SHISA9: variants seen among roughly 807,000 people sequenced by gnomAD.
SHISA9 encodes the protein protein shisa-9.
SHISA9 carries 13 observed loss-of-function variants against 38.0 expected under a neutral mutation model. That is an observed-to-expected ratio of 0.34 (90% confidence interval 0.22 to 0.54). The LOEUF (loss-of-function observed/expected upper bound fraction) is 0.54. Ranked by LOEUF, SHISA9 falls within the 20% of genes least tolerant of loss-of-function variation. SHISA9 has a pLI of 0.91. For missense variants in SHISA9, 538 were observed against 575.8 expected (o/e 0.93, Z 0.67); for synonymous variants, 275 against 242.0 (o/e 1.14, Z -1.27).
chr16:13,172,993 G>A (rs2050700116), intron 2 of SHISA9, among the ~76,000 whole-genome samples: 1 of 152,068 alleles, frequency 6.6e-6, no homozygotes. Context: ...GTAAAGACCA[G>A]TGCATTAGGA....
At chr16:13,110,102 G>T (rs2073962984) in intron 2 of SHISA9, among the ~76,000 whole-genome samples, 1 of 152,138 alleles carries the variant, frequency 6.6e-6, no homozygotes, top group African/African-American at 2.4e-5. Flanking sequence ...CTGTGTCAAA[G>T]TGCTCTCCCC....
chr16:13,416,773 AGGGAAGGAAGGAAGGAAG>A, the SHISA9 span, among the ~76,000 whole-genome samples: 7 of 122,620 alleles, frequency 5.7e-5, no homozygotes, highest in South Asian at 2.8e-4. Context: ...GAAGGAAGGA[AGGGAAGGAAGGAAGGAAG>A]GGAAGGAAGG....
chr16:13,276,479 A>G, the SHISA9 span, among the ~76,000 whole-genome samples: 1 of 151,966 alleles, frequency 6.6e-6, no homozygotes. Flanking sequence ...TCAGTTCTTT[A>G]AGTAATCTCC....
At chr16:13,046,021 C>G (rs1470382470) in intron 2 of SHISA9, among the ~76,000 whole-genome samples, 2 of 152,138 alleles carry the variant, frequency 1.3e-5, no homozygotes, top group African/African-American at 4.8e-5. Context: ...ACCATCAAAG[C>G]CCATTAATTT....
chr16:13,388,310 A>T, the SHISA9 span, among the ~76,000 whole-genome samples: 4 of 140,336 alleles, frequency 2.9e-5, no homozygotes, highest in South Asian at 2.4e-4. Flanking sequence ...AATTTGGGGA[A>T]TTTTTTTTTT....
intron 2 of SHISA9, among the ~76,000 whole-genome samples, chr16:12,943,038 C>T (rs575898701): frequency 6.6e-6 from 1 of 152,174 alleles, no homozygotes; most frequent in African/African-American, 2.4e-5. Flanking sequence ...ATTGTCCTTA[C>T]AGCTCCAGGC....
At chr16:13,071,605 T>TTCCCTTC (rs1567202391) in intron 2 of SHISA9, among the ~76,000 whole-genome samples, 8 of 142,338 alleles carry the variant, frequency 5.6e-5, no homozygotes, top group African/African-American at 1.9e-4. Flanking sequence ...TCCTTCCCTT[T>TTCCCTTC]CTTCCCTTCC....
the SHISA9 span, among the ~76,000 whole-genome samples, chr16:13,335,568 G>C: frequency 6.6e-6 from 1 of 152,144 alleles, no homozygotes; most frequent in Non-Finnish European, 1.5e-5. Context: ...CATAAAATCA[G>C]AGACAGGTCA....
At chr16:13,382,530 CAAAAAAAA>C in the SHISA9 span, among the ~76,000 whole-genome samples, 17 of 49,016 alleles carry the variant, frequency 3.5e-4, no homozygotes, top group African/African-American at 1.2e-3. Flanking sequence ...AACTCCATCT[CAAAAAAAA>C]AAAAAAAAAA....
chr16:12,966,946 G>T (rs78355097), intron 2 of SHISA9, among the ~76,000 whole-genome samples: 5,457 of 152,274 alleles, frequency 0.036, 130 homozygotes, highest in Middle Eastern at 0.068. Flanking sequence ...TTTCCTGGGT[G>T]CCTCCTGGGT....
chr16:13,260,104 C>G, the SHISA9 span, among the ~76,000 whole-genome samples: 10 of 143,416 alleles, frequency 7.0e-5, no homozygotes, highest in Non-Finnish European at 1.4e-4. Context: ...GCAAGCTCCA[C>G]CTCCTGGGTT....
chr16:13,406,206 G>A, the SHISA9 span, among the ~76,000 whole-genome samples: 3 of 152,226 alleles, frequency 2.0e-5, no homozygotes, highest in Non-Finnish European at 2.9e-5. Context: ...AGAAGAGGCA[G>A]AGAGTAGGAA....
chr16:13,335,182 C>G, the SHISA9 span, among the ~76,000 whole-genome samples: 1 of 152,174 alleles, frequency 6.6e-6, no homozygotes, highest in Non-Finnish European at 1.5e-5. Context: ...TAACTTGAGC[C>G]CTATCTTCAG....
chr16:13,184,200 C>T (rs1239687080), intron 2 of SHISA9, among the ~76,000 whole-genome samples: 1 of 152,154 alleles, frequency 6.6e-6, no homozygotes, highest in African/African-American at 2.4e-5. Flanking sequence ...TACTTACCCA[C>T]CTATTTCCAT....
chr16:13,142,417 G>A (rs2050409647), intron 2 of SHISA9, among the ~76,000 whole-genome samples: 1 of 152,154 alleles, frequency 6.6e-6, no homozygotes, highest in Non-Finnish European at 1.5e-5. Flanking sequence ...GTTTCACTGG[G>A]TTTTCATGCT....
At chr16:13,345,911 T>G in the SHISA9 span, among the ~76,000 whole-genome samples, 123,437 of 152,112 alleles carry the variant, frequency 0.81, 50,221 homozygotes, top group East Asian at 0.96. Context: ...TTTGAAAAAG[T>G]TTCATTCAGG....
chr16:13,083,360 C>T (rs544096996), intron 2 of SHISA9, among the ~76,000 whole-genome samples: 1 of 152,242 alleles, frequency 6.6e-6, no homozygotes, highest in Admixed American at 6.5e-5. Context: ...GTAGGCGTTC[C>T]ATGAGATGAT....
the SHISA9 span, among the ~76,000 whole-genome samples, chr16:13,491,817 CCTTTTTTTTTTTTTTTT>C: frequency 2.1e-5 from 1 of 46,892 alleles, no homozygotes; most frequent in Non-Finnish European, 3.9e-5. Flanking sequence ...TATTTATTGA[CCTTTTTTTTTTTTTTTT>C]TTTTTTTTTT....
chr16:13,146,755 G>A (rs2050450776), intron 2 of SHISA9, among the ~76,000 whole-genome samples: 2 of 152,168 alleles, frequency 1.3e-5, no homozygotes, highest in Non-Finnish European at 2.9e-5. Flanking sequence ...AATCCCAGAT[G>A]TGCCTAATCC....
Sources: gnomAD v4.1 joint callset for allele counts (sites outside exome capture counted in the v4.1 genomes callset) on GRCh38, gnomAD v4.1.1 for gene constraint, MANE v1.5 for transcripts, NCBI Gene and HGNC (gene_info 2026-07-23, HGNC 2026-07-21) for gene names.